UBE2W: variants seen among roughly 807,000 people sequenced by gnomAD.
UBE2W encodes the protein ubiquitin-conjugating enzyme E2 W.
UBE2W carries 18 observed loss-of-function variants against 27.2 expected under a neutral mutation model. The observed-to-expected ratio is 0.66, with a 90% CI of 0.46 to 0.98. The LOEUF is 0.98. Among genes scored for constraint, UBE2W ranks in the 50% least tolerant of loss-of-function variants. The pLI, the probability that UBE2W is intolerant of heterozygous loss-of-function variation, is 0.00. For synonymous variants in UBE2W, 53 were observed against 57.2 expected, an observed-to-expected ratio of 0.93 and a Z score of 0.33; for missense variants, 90 against 180.2, an observed-to-expected ratio of 0.50 and a Z score of 2.87.
Position 73,788,665 on chromosome 8 carries a change from A to G in UBE2W, c.*5437T>C, listed in dbSNP as rs1808064363. ...ATTATTAAATCTTTCCATACACCAG[A>G]AAATCTGACAAGTGATGTCATTTTG... On this transcript the variant is annotated 3_prime_UTR_variant, in exon 6 of 6. Transcript: ENST00000602593. 3 of 985,338 alleles carry G rather than the reference A, an allele frequency of 3.0e-6. No homozygotes were observed. Among genetic ancestry groups the G allele is most frequent in the East Asian group, 1.1e-4 (1 of 8,824 alleles). 61.0% of individuals were successfully genotyped at this position (985,338 alleles called of 1,614,324 possible).
At chr8:73,832,608 C>T (rs1481600381) in intron 1 of UBE2W, among the ~76,000 whole-genome samples, 1 of 152,196 alleles carries the variant, frequency 6.6e-6, no homozygotes, top group East Asian at 1.9e-4. Context: ...ATCAAGACAT[C>T]ATAGCTACTA....
chr8:73,802,980 C>G (rs559969165), intron 5 of UBE2W, among the ~76,000 whole-genome samples: 393 of 152,014 alleles, frequency 2.6e-3, no homozygotes, highest in African/African-American at 8.6e-3. Context: ...GCCGAAGTTG[C>G]GAAACTGCAC....
intron 1 of UBE2W, among the ~76,000 whole-genome samples, chr8:73,837,356 CAT>C (rs1810352459): frequency 6.6e-6 from 1 of 151,922 alleles, no homozygotes; most frequent in Non-Finnish European, 1.5e-5. Context: ...CTACTAAAAA[CAT>C]AAAAATTAGC....
chr8:73,809,123 C>CGT (rs377047432), intron 4 of UBE2W, among the ~76,000 whole-genome samples: 8 of 151,796 alleles, frequency 5.3e-5, no homozygotes, highest in Admixed American at 2.6e-4. Flanking sequence ...AAGTTTAAAA[C>CGT]GTGTGTGTGT....
In UBE2W at chr8:73,792,226, G is replaced by A; in HGVS notation, c.*1876C>T. 1.0e-6 allele frequency: 1 copy of A among 985,700 alleles called. No homozygotes were observed. Among genetic ancestry groups the A allele is most frequent in the South Asian group, 4.7e-5 (1 of 21,292 alleles). 61.1% of individuals were successfully genotyped at this position (985,700 alleles called of 1,614,324 possible). A position where few individuals can be genotyped will look rare whatever the true frequency, so the allele number is the denominator to read the frequency against. ...CAGGCCAACTAATAAAACTGACAGA[G>A]ATCATTGTGAGAATTTATCTAGTCA... is the stretch of plus-strand genomic sequence containing the variant. On this transcript the variant is annotated 3_prime_UTR_variant, in exon 6 of 6. Transcript: ENST00000602593.
intron 1 of UBE2W, among the ~76,000 whole-genome samples, chr8:73,834,347 A>G (rs930397925): frequency 2.0e-5 from 3 of 152,224 alleles, no homozygotes; most frequent in African/African-American, 7.2e-5. Context: ...TTTTCTACTG[A>G]TATTCACAAA....
At chr8:73,859,839 G>C (rs1466876230) in intron 1 of UBE2W, among the ~76,000 whole-genome samples, 1 of 152,080 alleles carries the variant, frequency 6.6e-6, no homozygotes, top group Non-Finnish European at 1.5e-5. Flanking sequence ...ATTAACAGAT[G>C]TTCTGTCCTC....
rs1445028800 is a variant in UBE2W, at chr8:73,790,026, C to T, written c.*4076G>A. 3.0e-6 allele frequency: 3 copies of T among 984,944 alleles called. No individual in the cohort carries two copies. The African/African-American group carries it at 5.2e-5, about 17-fold the overall frequency. 61.0% of individuals were successfully genotyped at this position (984,944 alleles called of 1,614,324 possible). On this transcript the variant is annotated 3_prime_UTR_variant, in exon 6 of 6. Transcript: ENST00000602593. Reference sequence around the variant, plus strand: ...TAATTACAGCTAACAGCTCATTTACCAAGTAGTCAATTATTCAACAAATTT... The same window carrying T: ...TAATTACAGCTAACAGCTCATTTACTAAGTAGTCAATTATTCAACAAATTT...
At chr8:73,828,837 T>C (rs1336110002) in intron 2 of UBE2W, among the ~76,000 whole-genome samples, 2 of 152,170 alleles carry the variant, frequency 1.3e-5, no homozygotes, top group African/African-American at 4.8e-5. Flanking sequence ...AGTCACCCTG[T>C]TGTGCTCTCA....
At chr8:73,872,137 G>A (rs1361731391) in intron 1 of UBE2W, among the ~76,000 whole-genome samples, 7 of 152,158 alleles carry the variant, frequency 4.6e-5, no homozygotes, top group Non-Finnish European at 7.3e-5. Flanking sequence ...GGCCAGGCGC[G>A]GTGGCCAGCC....
At chr8:73,873,647 C>A (rs879928405) in intron 1 of UBE2W, among the ~76,000 whole-genome samples, 10 of 152,228 alleles carry the variant, frequency 6.6e-5, no homozygotes, top group Non-Finnish European at 1.0e-4. Context: ...CAGAGTGAGA[C>A]CCTGTCTCAG....
chr8:73,818,774 A>C (rs183077994), intron 3 of UBE2W, among the ~76,000 whole-genome samples: 1 of 152,102 alleles, frequency 6.6e-6, no homozygotes, highest in Non-Finnish European at 1.5e-5. Flanking sequence ...AATGTGTGGC[A>C]CCTCGCCACT....
intron 1 of UBE2W, among the ~76,000 whole-genome samples, chr8:73,839,346 T>C (rs1810437938): frequency 1.7e-5 from 1 of 59,028 alleles, no homozygotes; most frequent in African/African-American, 7.4e-5. Flanking sequence ...ATGCTCCTAG[T>C]TAAAAAAAAA....
At chr8:73,853,240 C>T (rs902266739) in intron 1 of UBE2W, among the ~76,000 whole-genome samples, 14 of 152,172 alleles carry the variant, frequency 9.2e-5, no homozygotes, top group Admixed American at 2.6e-4. Context: ...TTTATAATTA[C>T]TCAGTCTAAG....
rs1460956667 is a variant in UBE2W at position 73,861,320 on chromosome 8, T to C, written c.15+17488A>G. 4.6e-5 allele frequency among the ~76,000 whole-genome samples: 7 copies of C among 152,208 alleles called. No homozygotes were observed. In the East Asian group the frequency reaches 9.7e-4, roughly 21 times the overall value. ...TTTTAGTGAACTGATAAGTTCAGCATAGGTTGTAGAATGAGAGATACAAGG... is the reference window on the plus strand; with the variant it reads ...TTTTAGTGAACTGATAAGTTCAGCACAGGTTGTAGAATGAGAGATACAAGG... On this transcript the variant is annotated intron_variant, in intron 1 of 5. Transcript: ENST00000602593.
intron 2 of UBE2W, among the ~76,000 whole-genome samples, chr8:73,826,969 T>C (rs1181388490): frequency 2.6e-5 from 4 of 152,230 alleles, no homozygotes; most frequent in Admixed American, 2.0e-4. Context: ...CGAAATTCCT[T>C]TCTTATTTTT....
rs1808271746 is a variant in UBE2W at position 73,793,127 on chromosome 8, A to C, written c.*975T>G. 15 of 985,754 alleles carry C rather than the reference A, an allele frequency of 1.5e-5. No homozygotes were observed. Among genetic ancestry groups the C allele is most frequent in the Non-Finnish European group, 1.8e-5 (15 of 829,912 alleles). The allele number at this position is 985,754 out of a possible 1,614,324, so 61.1% of individuals were successfully genotyped here. ...CTTATAACAAAAGAAACAAGATTGCAAACAAAAATGTTTACGGGGTTTCCA... is the reference window on the plus strand; with the variant it reads ...CTTATAACAAAAGAAACAAGATTGCCAACAAAAATGTTTACGGGGTTTCCA... On this transcript the variant is annotated 3_prime_UTR_variant, in exon 6 of 6. Coordinates refer to ENST00000602593, the MANE Select transcript of UBE2W (RefSeq NM_018299.6).
At chr8:73,815,468 T>TA (rs745856471) in intron 3 of UBE2W, among the ~76,000 whole-genome samples, 6 of 152,232 alleles carry the variant, frequency 3.9e-5, no homozygotes, top group Non-Finnish European at 7.3e-5. Flanking sequence ...AATGACTTAA[T>TA]AAAAATCAAT....
chr8:73,864,394 T>G (rs1007793837), intron 1 of UBE2W, among the ~76,000 whole-genome samples: 1 of 152,146 alleles, frequency 6.6e-6, no homozygotes, highest in African/African-American at 2.4e-5. Context: ...AAATTTTTTT[T>G]AATTAAAATA....
Sources: gnomAD v4.1 joint callset for allele counts (sites outside exome capture counted in the v4.1 genomes callset) on GRCh38, gnomAD v4.1.1 for gene constraint, MANE v1.5 for transcripts, NCBI Gene and HGNC (gene_info 2026-07-23, HGNC 2026-07-21) for gene names.